The following EDDM3A variants were observed in gnomAD, a reference collection of about 807,000 sequenced individuals.
EDDM3A encodes the protein epididymal protein 3A.
For synonymous variants in EDDM3A, 75 were observed against 60.4 expected, an observed-to-expected ratio of 1.24 and a Z score of -1.12; for missense variants, 199 against 177.4, an observed-to-expected ratio of 1.12 and a Z score of -0.69.
chr14:20,742,923 G>A (rs1450366574), upstream of EDDM3A, among the ~76,000 whole-genome samples: 2 of 151,998 alleles, frequency 1.3e-5, no homozygotes, highest in South Asian at 4.1e-4. Context: ...TGTAGAGATA[G>A]GGTTTCTCCC....
rs1877664955 is a variant in EDDM3A at position 20,748,103 on chromosome 14, C to G, written c.*79C>G. On this transcript the variant is annotated 3_prime_UTR_variant, in exon 2 of 2. Transcript: ENST00000326842. ...GTGGGCCCTGCCTCCATCAATAGCC[C>G]CTGCCACTCCCCGCTTACATTTATG... 1.0e-6 allele frequency: 1 copy of G among 987,170 alleles called. No individual in the cohort carries two copies. Among genetic ancestry groups the G allele is most frequent in the Non-Finnish European group, 1.5e-6 (1 of 667,088 alleles). The allele number at this position is 987,170 out of a possible 1,614,324, so 61.2% of individuals were successfully genotyped here. A position where few individuals can be genotyped will look rare whatever the true frequency, so the allele number is the denominator to read the frequency against.
chr14:20,738,858 T>G, the EDDM3A span, among the ~76,000 whole-genome samples: 2 of 152,086 alleles, frequency 1.3e-5, no homozygotes, highest in African/African-American at 4.8e-5. Context: ...CCAGGAAAAG[T>G]ATAGTAAATG....
the EDDM3A span, among the ~76,000 whole-genome samples, chr14:20,738,033 G>A: frequency 6.6e-6 from 1 of 152,142 alleles, no homozygotes; most frequent in East Asian, 1.9e-4. Flanking sequence ...TAGAACTCTG[G>A]TCTCAATGAG....
At chr14:20,744,504 T>C (rs912996409), upstream of EDDM3A, among the ~76,000 whole-genome samples, 1 of 152,216 alleles carries the variant, frequency 6.6e-6, no homozygotes, top group Admixed American at 6.5e-5. Flanking sequence ...GAACCAGTAT[T>C]GGTCACATTT....
chr14:20,739,623 TG>T, the EDDM3A span, among the ~76,000 whole-genome samples: 15 of 152,226 alleles, frequency 9.9e-5, no homozygotes, highest in Non-Finnish European at 1.9e-4. Context: ...TCACCAGCTT[TG>T]GTGATGTCAG....
intron 1 of EDDM3A, among the ~76,000 whole-genome samples, chr14:20,747,191 C>T (rs959271863): frequency 2.0e-5 from 3 of 151,038 alleles, no homozygotes; most frequent in African/African-American, 7.3e-5. Flanking sequence ...GCAACCTCCG[C>T]CTCCCAGGTT....
upstream of EDDM3A, among the ~76,000 whole-genome samples, chr14:20,743,466 C>T (rs1307860350): frequency 4.0e-5 from 6 of 150,604 alleles, no homozygotes; most frequent in Admixed American, 6.6e-5. Flanking sequence ...AAGAGAATCA[C>T]TTGAACCCAG....
chr14:20,738,142 C>T, the EDDM3A span, among the ~76,000 whole-genome samples: 1 of 152,234 alleles, frequency 6.6e-6, no homozygotes, highest in African/African-American at 2.4e-5. Context: ...CTGGGGATGA[C>T]AATCTCTACT....
At chr14:20,744,929 G>A (rs1001388397), upstream of EDDM3A, among the ~76,000 whole-genome samples, 2 of 152,132 alleles carry the variant, frequency 1.3e-5, no homozygotes, top group Non-Finnish European at 2.9e-5. Context: ...AACATTAAAA[G>A]TGATTTTCTG....
rs369725645 is a variant in EDDM3A at position 20,746,345 on chromosome 14, G to A, written c.-27+353G>A. On this transcript the variant is annotated intron_variant, in intron 1 of 1. Coordinates refer to ENST00000326842, the MANE Select transcript of EDDM3A (RefSeq NM_006683.5). ...GCTTGCATCTCATTAGACTCTTGCA[G>A]GTCTGTAGGGAGCTGTGATTAGGCC... 3.9e-5 allele frequency among the ~76,000 whole-genome samples: 6 copies of A among 151,940 alleles called. 1 individual carries two copies. The East Asian group carries it at 5.8e-4, about 15-fold the overall frequency.
chr14:20,743,241 T>G (rs1310089520), upstream of EDDM3A, among the ~76,000 whole-genome samples: 1 of 152,178 alleles, frequency 6.6e-6, no homozygotes, highest in Non-Finnish European at 1.5e-5. Context: ...ATTTAAGAAT[T>G]GAATAGTGGC....
At chr14:20,738,582 T>C in the EDDM3A span, among the ~76,000 whole-genome samples, 1 of 152,168 alleles carries the variant, frequency 6.6e-6, no homozygotes, top group Non-Finnish European at 1.5e-5. Context: ...TGATAAATAC[T>C]CTTCAAAATA....
At chr14:20,746,524 G>C (rs919190231) in intron 1 of EDDM3A, among the ~76,000 whole-genome samples, 7 of 152,150 alleles carry the variant, frequency 4.6e-5, no homozygotes, top group Non-Finnish European at 7.4e-5. Context: ...GTAGCTCTGC[G>C]GGGGACTGTT....
In EDDM3A at chr14:20,748,377, C is replaced by T. The variant is rs879219784; in HGVS notation, c.*353C>T. 11 of 195,286 alleles carry T rather than the reference C, an allele frequency of 5.6e-5. No homozygotes were observed. The East Asian group carries it at 7.3e-4, about 13-fold the overall frequency. The allele number at this position is 195,286 out of a possible 1,614,324, so 12.1% of individuals were successfully genotyped here. The stretch of plus-strand genomic sequence containing the variant: ...TCTTAAATAAAATATATTATTCTAA[C>T]GTATGTGACGCTTATATATGTTATG... On this transcript the variant is annotated 3_prime_UTR_variant, in exon 2 of 2. Transcript: ENST00000326842.
chr14:20,738,486 TAAATAAATAAATAA>T, the EDDM3A span, among the ~76,000 whole-genome samples: 1 of 119,684 alleles, frequency 8.4e-6, no homozygotes, highest in East Asian at 2.9e-4. Flanking sequence ...AATAAATAAA[TAAATAAATAAATAA>T]ATAAATAAAC....
chr14:20,737,305 G>T, the EDDM3A span, among the ~76,000 whole-genome samples: 2 of 152,126 alleles, frequency 1.3e-5, no homozygotes, highest in Non-Finnish European at 2.9e-5. Context: ...ATAGTGATCT[G>T]CCCACCTCGG....
At chr14:20,738,699 CAT>C in the EDDM3A span, among the ~76,000 whole-genome samples, 3 of 152,050 alleles carry the variant, frequency 2.0e-5, no homozygotes, top group East Asian at 3.9e-4. Context: ...AATGTGGTAA[CAT>C]GTGTATCTCA....
At chr14:20,744,326 G>A (rs894608947), upstream of EDDM3A, among the ~76,000 whole-genome samples, 4 of 152,224 alleles carry the variant, frequency 2.6e-5, no homozygotes, top group Non-Finnish European at 5.9e-5. Flanking sequence ...GGGGTTTGAA[G>A]ATAAGTTCTG....
Position 20,747,614 on chromosome 14 carries a change from T to A in EDDM3A, c.34T>A (p.Leu12Met). The A allele has an allele frequency of 1.2e-6, 2 of 1,612,710 alleles. No homozygotes were observed. The highest frequency in any genetic ancestry group is 1.7e-6 in the Non-Finnish European group (2 of 1,179,236). ...TSSLKIWGILLALLCILCRLC... is the reference protein window; with the variant it reads ...TSSLKIWGILMALLCILCRLC... ...CTCTCTAAAGATTTGGGGCATACTC[T>A]TGGCCCTGCTTTGCATCCTTTGCAG... is the stretch of plus-strand genomic sequence containing the variant. Residue 12 changes from leucine (L) to methionine (M), a missense_variant, in exon 2 of 2, where the codon TTG (leucine) becomes ATG (methionine). Leu to Met is a conservative substitution (Grantham distance 15). Coordinates refer to ENST00000326842, the MANE Select transcript of EDDM3A (RefSeq NM_006683.5).
Sources: allele counts gnomAD v4.1 joint callset (sites outside exome capture counted in the v4.1 genomes callset), GRCh38; gene constraint gnomAD v4.1.1; transcripts MANE v1.5; gene names NCBI Gene and HGNC (gene_info 2026-07-23, HGNC 2026-07-21).